Variants in GPC6 observed in about 807,000 individuals in gnomAD.
GPC6 encodes glypican-6.
In GPC6, 14 loss-of-function variants were observed where a neutral mutation model predicts 55.2. That is an observed-to-expected ratio of 0.25 (90% confidence interval 0.17 to 0.40). The LOEUF (loss-of-function observed/expected upper bound fraction) is 0.40. Among genes scored for constraint, GPC6 ranks in the 10% least tolerant of loss-of-function variants. GPC6 has a pLI of 1.00. For synonymous variants in GPC6, 278 were observed against 259.6 expected (o/e 1.07, Z -0.68); for missense variants, 641 against 708.5 (o/e 0.90, Z 1.08).
At chr13:94,272,514 G>C (rs1040731437) in intron 4 of GPC6, among the ~76,000 whole-genome samples, 1 of 138,772 alleles carries the variant, frequency 7.2e-6, no homozygotes, top group African/African-American at 2.8e-5. Flanking sequence ...TGTTGCCCAG[G>C]CTGGAGTGCA....
intron 2 of GPC6, among the ~76,000 whole-genome samples, chr13:93,667,973 T>G (rs1481248432): frequency 1.3e-5 from 2 of 152,216 alleles, no homozygotes. Flanking sequence ...ACTTGCATGA[T>G]AGACACCGTG....
chr13:93,716,759 G>A (rs1016372280), intron 2 of GPC6, among the ~76,000 whole-genome samples: 2 of 151,592 alleles, frequency 1.3e-5, no homozygotes, highest in Non-Finnish European at 3.0e-5. Context: ...GTAGTGTACA[G>A]TAATGTCCTA....
At chr13:93,275,300 A>G (rs1877692658) in intron 1 of GPC6, among the ~76,000 whole-genome samples, 1 of 152,176 alleles carries the variant, frequency 6.6e-6, no homozygotes, top group South Asian at 2.1e-4. Context: ...TGATCCTAGT[A>G]CGTGCACATG....
At chr13:93,674,606 T>G (rs1211139898) in intron 2 of GPC6, among the ~76,000 whole-genome samples, 2 of 152,214 alleles carry the variant, frequency 1.3e-5, no homozygotes, top group Non-Finnish European at 2.9e-5. Context: ...CATTTCCGAC[T>G]GTCAGCAGAA....
At chr13:94,244,413 TG>T (rs1891139592) in intron 4 of GPC6, among the ~76,000 whole-genome samples, 1 of 152,122 alleles carries the variant, frequency 6.6e-6, no homozygotes, top group Admixed American at 6.6e-5. Context: ...GTTAAGGATT[TG>T]GGCACTATCT....
At chr13:94,274,139 C>T (rs150729884) in intron 4 of GPC6, among the ~76,000 whole-genome samples, 4 of 152,266 alleles carry the variant, frequency 2.6e-5, no homozygotes, top group African/African-American at 7.2e-5. Flanking sequence ...AAGCCAATGT[C>T]GGAAAATGAA....
In GPC6 at chr13:94,257,615, G is replaced by A. The variant is rs560141696; in HGVS notation, c.878-28734G>A. Among the ~76,000 whole-genome samples the A allele has an allele frequency of 5.9e-5, 9 of 152,212 alleles. No individual in the cohort carries two copies. In the South Asian group the frequency reaches 1.7e-3, roughly 28 times the overall value. On this transcript the variant is annotated intron_variant, in intron 4 of 8. Coordinates refer to ENST00000377047, the MANE Select transcript of GPC6 (RefSeq NM_005708.5). Reference sequence around the variant, plus strand: ...ACCACCCTGAGAAATAGACCAAAGCGAGCCTCTAGATCTGCAAATTGAGGA... The same window carrying A: ...ACCACCCTGAGAAATAGACCAAAGCAAGCCTCTAGATCTGCAAATTGAGGA...
At chr13:93,504,527 T>C (rs1880639265) in intron 1 of GPC6, among the ~76,000 whole-genome samples, 2 of 151,076 alleles carry the variant, frequency 1.3e-5, no homozygotes, top group South Asian at 4.2e-4. Flanking sequence ...ATTGTAACTT[T>C]TTTGGGGTGA....
At chr13:93,448,532 A>G (rs529360992) in intron 1 of GPC6, among the ~76,000 whole-genome samples, 17 of 152,298 alleles carry the variant, frequency 1.1e-4, no homozygotes, top group African/African-American at 3.4e-4. Context: ...TTCATGGAGG[A>G]TATTTTTCCA....
chr13:94,170,136 C>G (rs1239581523), intron 4 of GPC6, among the ~76,000 whole-genome samples: 1 of 152,146 alleles, frequency 6.6e-6, no homozygotes, highest in Non-Finnish European at 1.5e-5. Flanking sequence ...AATGAGTGCT[C>G]TGAAAGAAAA....
intron 1 of GPC6, among the ~76,000 whole-genome samples, chr13:93,497,028 C>G (rs999779414): frequency 6.6e-6 from 1 of 152,116 alleles, no homozygotes; most frequent in Non-Finnish European, 1.5e-5. Flanking sequence ...TGCGTTAATC[C>G]GAGGAAGGTT....
intron 2 of GPC6, among the ~76,000 whole-genome samples, chr13:93,826,365 C>T (rs2138974191): frequency 6.6e-6 from 1 of 152,266 alleles, no homozygotes; most frequent in South Asian, 2.1e-4. Context: ...AAGGAAACAG[C>T]ATACCTGCTT....
rs139096242 is a variant in GPC6, at chr13:93,687,428, C to T, written c.319+142007C>T. On this transcript the variant is annotated intron_variant, in intron 2 of 8. Coordinates refer to ENST00000377047, the MANE Select transcript of GPC6 (RefSeq NM_005708.5). ...GAGTAACTGAGTATTGCATATGAAT[C>T]AGTCCCAGCACTTAAGACTTGTAAG... 1.1e-4 allele frequency among the ~76,000 whole-genome samples: 17 copies of T among 152,148 alleles called. No individual in the cohort carries two copies. In the East Asian group the frequency reaches 3.3e-3, roughly 30 times the overall value.
At chr13:93,833,203 G>A (rs1042175897) in intron 3 of GPC6, among the ~76,000 whole-genome samples, 2 of 150,742 alleles carry the variant, frequency 1.3e-5, no homozygotes, top group Admixed American at 1.3e-4. Flanking sequence ...GCTGAGCAAT[G>A]CTTTTGTGAA....
At chr13:93,878,647 G>A (rs1019610634) in intron 3 of GPC6, among the ~76,000 whole-genome samples, 1 of 152,056 alleles carries the variant, frequency 6.6e-6, no homozygotes, top group Non-Finnish European at 1.5e-5. Flanking sequence ...CAAAGTGCTA[G>A]GATTAAAGGC....
intron 8 of GPC6, 125 bp from the exon 9 acceptor site, chr13:94,402,890 C>G: frequency 2.5e-6 from 2 of 810,248 alleles, no homozygotes; most frequent in East Asian, 2.4e-5. Flanking sequence ...TGAATTACCT[C>G]CACATGGCCT....
chr13:93,916,772 A>G (rs1164012493), intron 3 of GPC6, among the ~76,000 whole-genome samples: 1 of 151,882 alleles, frequency 6.6e-6, no homozygotes, highest in African/African-American at 2.4e-5. Flanking sequence ...TTGAAGGATG[A>G]TAAAACTGCA....
At chr13:93,904,566 C>G (rs533131559) in intron 3 of GPC6, among the ~76,000 whole-genome samples, 1 of 151,816 alleles carries the variant, frequency 6.6e-6, no homozygotes, top group Non-Finnish European at 1.5e-5. Context: ...TAGAAAAACC[C>G]GTCTCTAGAA....
intron 7 of GPC6, among the ~76,000 whole-genome samples, chr13:94,387,622 A>AC (rs1226262821): frequency 6.6e-6 from 1 of 151,750 alleles, no homozygotes; most frequent in East Asian, 1.9e-4. Flanking sequence ...TGAAATCCTC[A>AC]CCCCTTGTGC....
Sources: gnomAD v4.1 joint callset for allele counts (sites outside exome capture counted in the v4.1 genomes callset) on GRCh38, gnomAD v4.1.1 for gene constraint, MANE v1.5 for transcripts, NCBI Gene and HGNC (gene_info 2026-07-23, HGNC 2026-07-21) for gene names.